RAPGEF2: variants seen among roughly 807,000 people sequenced by gnomAD.
The protein encoded by RAPGEF2 is Rap guanine nucleotide exchange factor 2.
In RAPGEF2, 54 loss-of-function variants were observed where a neutral mutation model predicts 186.7. The ratio of observed to expected loss-of-function variants is 0.29; its 90% CI spans 0.23 to 0.36. The LOEUF (loss-of-function observed/expected upper bound fraction) is 0.36. Ranked by LOEUF, RAPGEF2 falls within the 10% of genes least tolerant of loss-of-function variation. The pLI, the probability that RAPGEF2 is intolerant of heterozygous loss-of-function variation, is 1.00. For synonymous variants in RAPGEF2, 712 were observed against 705.9 expected, an observed-to-expected ratio of 1.01 and a Z score of -0.14; for missense variants, 1,532 against 2,045.0, an observed-to-expected ratio of 0.75 and a Z score of 4.84.
intron 11 of RAPGEF2, 149 bp from the exon 12 acceptor site, chr4:159,329,709 G>A: frequency 1.9e-6 from 1 of 530,812 alleles, no homozygotes; most frequent in Middle Eastern, 4.9e-4. Context: ...AGAGAAGTCT[G>A]ATTAAGGTTC....
At chr4:159,275,422 G>A (rs914139674) in intron 7 of RAPGEF2, among the ~76,000 whole-genome samples, 1 of 151,960 alleles carries the variant, frequency 6.6e-6, no homozygotes, top group Non-Finnish European at 1.5e-5. Context: ...TACATTATTG[G>A]TTTGTAATAT....
intron 7 of RAPGEF2, among the ~76,000 whole-genome samples, chr4:159,261,174 G>A (rs1478086295): frequency 6.6e-6 from 1 of 151,814 alleles, no homozygotes; most frequent in Admixed American, 6.6e-5. Context: ...CCATTCTCCT[G>A]CCTCAGCTTC....
chr4:159,143,893 G>A (rs971598143), intron 1 of RAPGEF2, among the ~76,000 whole-genome samples: 1 of 152,190 alleles, frequency 6.6e-6, no homozygotes, highest in African/African-American at 2.4e-5. Context: ...GTTGTCATGT[G>A]GGGCTGTGAG....
At chr4:159,322,517 T>G in intron 10 of RAPGEF2, 34 bp downstream of exon 10, 1 of 1,592,156 alleles carries the variant, frequency 6.3e-7, no homozygotes, top group South Asian at 1.1e-5. Context: ...AAAAAGTTTC[T>G]TCTTAAAGAT....
At chr4:159,297,145 A>G (rs1337711351) in intron 7 of RAPGEF2, among the ~76,000 whole-genome samples, 1 of 152,208 alleles carries the variant, frequency 6.6e-6, no homozygotes, top group African/African-American at 2.4e-5. Context: ...TACTCATTAT[A>G]TAAGCCACAT....
rs1414356529 is a variant in RAPGEF2, at chr4:159,241,384, A to G, written c.525+16A>G. On this transcript the variant is annotated intron_variant, in intron 6 of 29. Coordinates refer to ENST00000691494, the MANE Select transcript of RAPGEF2 (RefSeq NM_001394067.2). ...CTATCACACGGTAAGTTATACAAGT[A>G]TAATATTTTTATTTATTTCTAGTTT... is the stretch of plus-strand genomic sequence containing the variant. The G allele has an allele frequency of 7.5e-7, 1 of 1,325,764 alleles. No homozygotes were observed. Among genetic ancestry groups the G allele is most frequent in the Admixed American group, 3.4e-5 (1 of 29,436 alleles). The allele number at this position is 1,325,764 out of a possible 1,614,324, so 82.1% of individuals were successfully genotyped here.
chr4:159,141,441 T>A (rs78269779), intron 1 of RAPGEF2, among the ~76,000 whole-genome samples: 3,135 of 152,208 alleles, frequency 0.021, 107 homozygotes, highest in African/African-American at 0.071. Flanking sequence ...AACATTTAGC[T>A]TGTTTCTGGA....
chr4:159,163,330 T>A (rs1370077005), intron 1 of RAPGEF2, among the ~76,000 whole-genome samples: 1 of 152,188 alleles, frequency 6.6e-6, no homozygotes, highest in African/African-American at 2.4e-5. Flanking sequence ...TGAGAGATGA[T>A]CATGGAGACA....
chr4:159,131,519 A>ATTTTTTTTTTTT (rs35670450), intron 1 of RAPGEF2, among the ~76,000 whole-genome samples: 1 of 37,210 alleles, frequency 2.7e-5, no homozygotes, highest in Non-Finnish European at 5.0e-5. Flanking sequence ...ATTAATTGCT[A>ATTTTTTTTTTTT]TTTTTTTTTT....
intron 5 of RAPGEF2, among the ~76,000 whole-genome samples, chr4:159,240,374 T>G (rs955246365): frequency 2.1e-5 from 3 of 140,886 alleles, no homozygotes; most frequent in Admixed American, 7.4e-5. Context: ...TGTCGTGTTG[T>G]CTAGCTTGAA....
intron 16 of RAPGEF2, 65 bp downstream of exon 16, chr4:159,332,099 A>G (rs1321369697): frequency 3.0e-6 from 3 of 1,015,860 alleles, no homozygotes; most frequent in East Asian, 5.0e-5. Context: ...TTCAAACATC[A>G]TAAGAAAGCA....
intron 3 of RAPGEF2, among the ~76,000 whole-genome samples, chr4:159,199,155 C>T (rs983765564): frequency 4.0e-5 from 6 of 151,624 alleles, no homozygotes; most frequent in African/African-American, 1.2e-4. Context: ...TTGTAGGACA[C>T]GGGTGCTCAA....
rs1478832546 is a variant in RAPGEF2 at position 159,355,940 on chromosome 4, C to T, written c.4739C>T (p.Ser1580Phe). 1 of 1,450,066 alleles carries T rather than the reference C, an allele frequency of 6.9e-7. No individual in the cohort carries two copies. The highest frequency in any genetic ancestry group is 1.4e-5 in the African/African-American group (1 of 68,994). The allele number at this position is 1,450,066 out of a possible 1,614,324, so 89.8% of individuals were successfully genotyped here. The part of the protein sequence containing the change: ...IPITDFPEGH[S>F]HPARKPPDYN... ...ATTACTGACTTTCCAGAAGGGCACT[C>T]CCATCCAGCCAGGAAACCGCCGGAC... The change falls in exon 29 of 30, where the codon TCC becomes TTC. Residue 1580 changes from serine (S) to phenylalanine (F), a missense_variant. Coordinates refer to ENST00000691494, the MANE Select transcript of RAPGEF2 (RefSeq NM_001394067.2).
intron 28 of RAPGEF2, 49 bp downstream of exon 28, chr4:159,354,095 A>G (rs1731606927): frequency 2.1e-6 from 3 of 1,462,970 alleles, no homozygotes; most frequent in Admixed American, 4.7e-5. Flanking sequence ...CATGTCTTTA[A>G]TGTAACTTAT....
At chr4:159,323,139 A>G (rs553803256) in intron 10 of RAPGEF2, among the ~76,000 whole-genome samples, 1 of 152,346 alleles carries the variant, frequency 6.6e-6, no homozygotes, top group East Asian at 1.9e-4. Context: ...ATTCTCATTG[A>G]GGCAATGATG....
intron 1 of RAPGEF2, among the ~76,000 whole-genome samples, chr4:159,151,587 A>T (rs1194229491): frequency 1.3e-5 from 2 of 152,072 alleles, no homozygotes; most frequent in African/African-American, 4.8e-5. Flanking sequence ...CTTGGCTTTT[A>T]GAAGATGACA....
chr4:159,116,382 T>G (rs6536391), intron 1 of RAPGEF2, among the ~76,000 whole-genome samples: 95,476 of 152,024 alleles, frequency 0.63, 30,799 homozygotes, highest in African/African-American at 0.78. Flanking sequence ...ACCACAGTGA[T>G]ATACCATCTC....
chr4:159,122,038 C>CAAAA (rs70962654), intron 1 of RAPGEF2, among the ~76,000 whole-genome samples: 37 of 51,404 alleles, frequency 7.2e-4, no homozygotes, highest in Admixed American at 8.8e-4. Flanking sequence ...GACTCCATCT[C>CAAAA]AAAAAAAAAA....
chr4:159,268,651 T>C (rs1184353913), intron 7 of RAPGEF2, among the ~76,000 whole-genome samples: 2 of 152,166 alleles, frequency 1.3e-5, no homozygotes, highest in African/African-American at 4.8e-5. Flanking sequence ...GTTATTGATT[T>C]GGTAATAAAG....
Sources: allele counts gnomAD v4.1 joint callset (sites outside exome capture counted in the v4.1 genomes callset), GRCh38; gene constraint gnomAD v4.1.1; transcripts MANE v1.5; gene names NCBI Gene and HGNC (gene_info 2026-07-23, HGNC 2026-07-21).